SP100: variants seen among roughly 807,000 people sequenced by gnomAD.
SP100 encodes the protein nuclear autoantigen Sp-100.
Under a neutral mutation model 130.0 loss-of-function variants are expected in SP100, and 84 were observed. That is an observed-to-expected ratio of 0.65 (90% CI 0.54 to 0.77). The LOEUF (loss-of-function observed/expected upper bound fraction) is 0.77. SP100 is among the 30% of genes least tolerant of loss of function. SP100 has a pLI of 0.00. For synonymous variants in SP100, 331 were observed against 351.7 expected (o/e 0.94, Z 0.66); for missense variants, 978 against 1,052.2 (o/e 0.93, Z 0.97).
chr2:230,542,809 A>G (rs933727430), intron 28 of SP100, 27 bp from the exon 29 acceptor site: 30 of 1,370,402 alleles, frequency 2.2e-5, no homozygotes, highest in Admixed American at 1.0e-4. Context: ...CATAACTGCT[A>G]TATTGTTTTT....
intron 24 of SP100, among the ~76,000 whole-genome samples, chr2:230,530,753 G>A (rs1691663195): frequency 6.6e-6 from 1 of 152,114 alleles, no homozygotes; most frequent in African/African-American, 2.4e-5. Flanking sequence ...ATCAAAAAGT[G>A]GGCAAAGGAT....
At chr2:230,503,493 C>T (rs2067150449) in intron 20 of SP100, among the ~76,000 whole-genome samples, 1 of 152,096 alleles carries the variant, frequency 6.6e-6, no homozygotes, top group Non-Finnish European at 1.5e-5. Context: ...TCAGATTATT[C>T]TCTTTTAGCT....
Position 230,449,136 on chromosome 2 carries a change from C to A in SP100, c.572C>A (p.Ser191Tyr). The A allele has an allele frequency of 6.2e-7, 1 of 1,613,934 alleles. No individual in the cohort carries two copies. Among genetic ancestry groups the A allele is most frequent in the Non-Finnish European group, 8.5e-7 (1 of 1,179,780 alleles). Residue 191 changes from serine (S) to tyrosine (Y), a missense_variant, in exon 6 of 29, where the codon TCC becomes TAC. Physicochemically the swap from Ser to Tyr is moderately radical, Grantham distance 144 (BLOSUM62 -2). Transcript: ENST00000340126. Reference protein sequence around the residue: ...FRSLTWPPSGSPSHAGTTPPE... With the variant: ...FRSLTWPPSGYPSHAGTTPPE... ...AGCCTGACTTGGCCACCTTCGGGTT[C>A]CCCATCTCATGCTGGTTTGTTCCTG...
In SP100 at chr2:230,525,970, G is replaced by A. The variant is rs112128729; in HGVS notation, c.2095-13297G>A. Among the ~76,000 whole-genome samples, 684 of 152,332 alleles carry A rather than the reference G, an allele frequency of 4.5e-3. 3 individuals are homozygous for A. Among genetic ancestry groups the A allele is most frequent in the African/African-American group, 0.016 (665 of 41,576 alleles). Reference sequence around the variant, plus strand: ...CTGCCTCTATAGATTCCACCTATGGGGGCAGGGCATAGTAGAACAAAAGAC... The same window carrying A: ...CTGCCTCTATAGATTCCACCTATGGAGGCAGGGCATAGTAGAACAAAAGAC... On this transcript the variant is annotated intron_variant, in intron 24 of 28. Transcript: ENST00000340126.
intron 19 of SP100, 57 bp from the exon 20 acceptor site, chr2:230,503,008 TA>T: frequency 7.7e-7 from 1 of 1,299,422 alleles, no homozygotes; most frequent in African/African-American, 1.5e-5. Flanking sequence ...GGTGGTTTTG[TA>T]AAACACTACT....
intron 18 of SP100, among the ~76,000 whole-genome samples, chr2:230,496,943 T>C (rs1210176558): frequency 6.6e-6 from 1 of 152,202 alleles, no homozygotes; most frequent in Non-Finnish European, 1.5e-5. Flanking sequence ...GTCTCTGCCT[T>C]CCTCAAACTC....
rs1475688703 is a variant in SP100, at chr2:230,466,360, A to C, written c.1195+6A>C. ...AGAAAGTTTTAAGAAAAGAGGTAAG[A>C]GAAAGCTTTAGGAAAAGAGGTAAGA... On this transcript the variant is annotated splice_donor_region_variant and intron_variant, in intron 12 of 28. Coordinates refer to ENST00000340126, the MANE Select transcript of SP100 (RefSeq NM_001080391.2). The C allele has an allele frequency of 1.4e-6, 2 of 1,453,510 alleles. No homozygotes were observed. The highest frequency in any genetic ancestry group is 1.9e-6 in the Non-Finnish European group (2 of 1,035,808). The allele number at this position is 1,453,510 out of a possible 1,614,324, so 90.0% of individuals were successfully genotyped here. A position where few individuals can be genotyped will look rare whatever the true frequency, so the allele number is the denominator to read the frequency against.
chr2:230,424,638 C>T (rs1309640098), intron 2 of SP100, among the ~76,000 whole-genome samples: 1 of 146,792 alleles, frequency 6.8e-6, no homozygotes, highest in Middle Eastern at 3.6e-3. Context: ...CACTGCACTC[C>T]AGCCTGGGCA....
intron 17 of SP100, among the ~76,000 whole-genome samples, chr2:230,477,942 A>AC (rs1426323860): frequency 1.3e-5 from 2 of 150,062 alleles, no homozygotes; most frequent in African/African-American, 2.4e-5. Flanking sequence ...CTCAAAACAA[A>AC]ACAAACAAAA....
intron 2 of SP100, among the ~76,000 whole-genome samples, chr2:230,419,553 G>T (rs980516695): frequency 3.3e-5 from 5 of 152,162 alleles, no homozygotes; most frequent in African/African-American, 1.2e-4. Flanking sequence ...CTTCCTTTAG[G>T]TGAAAATGTG....
chr2:230,510,941 G>C, intron 23 of SP100, 184 bp from the exon 24 acceptor site: 1 of 630,890 alleles, frequency 1.6e-6, no homozygotes, highest in South Asian at 1.9e-5. Context: ...GGGCCAAACT[G>C]TCACTGACAC....
rs145821054 is a variant in SP100 at position 230,464,115 on chromosome 2, A to G, written c.1106A>G (p.Gln369Arg). ...PLESNDEKEG[Q>R]EATCSRPQIV... Reference sequence around the variant, plus strand: ...GAATCAAATGATGAAAAGGAGGGCCAAGAAGCCACTTGCTCACGACCCCAG... The same window carrying G: ...GAATCAAATGATGAAAAGGAGGGCCGAGAAGCCACTTGCTCACGACCCCAG... Residue 369 changes from glutamine (Q) to arginine (R), a missense_variant, in exon 11 of 29, where the codon CAA becomes CGA. Transcript: ENST00000340126. The G allele has an allele frequency of 2.5e-5, 41 of 1,613,290 alleles. No homozygotes were observed. The African/African-American group carries it at 5.1e-4, about 20-fold the overall frequency.
chr2:230,464,253 C>A, intron 11 of SP100, 103 bp downstream of exon 11: 1 of 707,400 alleles, frequency 1.4e-6, no homozygotes, highest in Non-Finnish European at 2.5e-6. Context: ...CTCCTTATGC[C>A]TTGATTCCAT....
chr2:230,417,689 T>C, intron 2 of SP100, 24 bp downstream of exon 2: 1 of 1,599,694 alleles, frequency 6.3e-7, no homozygotes, highest in Non-Finnish European at 8.5e-7. Context: ...AGTTATGTCT[T>C]GTTTTAATTT....
intron 24 of SP100, among the ~76,000 whole-genome samples, chr2:230,536,427 C>T (rs934242394): frequency 3.9e-5 from 6 of 152,148 alleles, no homozygotes; most frequent in African/African-American, 1.4e-4. Context: ...TTGACCCTCT[C>T]AGTCTTAAAA....
chr2:230,519,354 C>T (rs563147570), intron 24 of SP100, among the ~76,000 whole-genome samples: 8 of 152,266 alleles, frequency 5.3e-5, no homozygotes, highest in African/African-American at 1.7e-4. Flanking sequence ...CGGTGTCATT[C>T]GTTAGTCTTG....
intron 8 of SP100, among the ~76,000 whole-genome samples, chr2:230,455,250 G>T (rs2064214867): frequency 6.6e-6 from 1 of 152,040 alleles, no homozygotes; most frequent in South Asian, 2.1e-4. Flanking sequence ...TATTTATAGA[G>T]ACAGGATTGC....
rs182702047 is a variant in SP100, at chr2:230,490,054, G to A, written c.1601-4362G>A. ...CCACTTGATCCACAGCTGAGTTCAAGTCCTGAATATCCTTGTTAATTTTCT... is the reference window on the plus strand; with the variant it reads ...CCACTTGATCCACAGCTGAGTTCAAATCCTGAATATCCTTGTTAATTTTCT... On this transcript the variant is annotated intron_variant, in intron 17 of 28. Coordinates refer to ENST00000340126, the MANE Select transcript of SP100 (RefSeq NM_001080391.2). Among the ~76,000 whole-genome samples, 528 of 152,214 alleles carry A rather than the reference G, an allele frequency of 3.5e-3. 2 individuals are homozygous for A. The highest frequency in any genetic ancestry group is 0.012 in the African/African-American group (489 of 41,524).
intron 19 of SP100, among the ~76,000 whole-genome samples, chr2:230,501,412 G>C (rs1017011398): frequency 3.3e-5 from 5 of 152,044 alleles, no homozygotes; most frequent in African/African-American, 1.2e-4. Flanking sequence ...TTTTTCTCAG[G>C]ATATGATTCC....
Sources: gnomAD v4.1 joint callset for allele counts (sites outside exome capture counted in the v4.1 genomes callset) on GRCh38, gnomAD v4.1.1 for gene constraint, MANE v1.5 for transcripts, NCBI Gene and HGNC (gene_info 2026-07-23, HGNC 2026-07-21) for gene names.